NMNAT2: variants seen among roughly 807,000 people sequenced by gnomAD.
The protein encoded by NMNAT2 is nicotinamide/nicotinic acid mononucleotide adenylyltransferase 2.
Under a neutral mutation model 41.6 loss-of-function variants are expected in NMNAT2, and 11 were observed. That is an observed-to-expected ratio of 0.26 (90% confidence interval 0.17 to 0.44). NMNAT2 has a LOEUF of 0.44. NMNAT2 is among the 20% of genes least tolerant of loss of function. The pLI, the probability that NMNAT2 is intolerant of heterozygous loss-of-function variation, is 1.00. For missense variants in NMNAT2, 288 were observed against 407.7 expected, an observed-to-expected ratio of 0.71 and a Z score of 2.53; for synonymous variants, 148 against 151.2, an observed-to-expected ratio of 0.98 and a Z score of 0.16.
In NMNAT2 at chr1:183,295,497, A is replaced by C. The variant is rs556279638; in HGVS notation, c.86-1704T>G. Among the ~76,000 whole-genome samples, 25 of 152,252 alleles carry C rather than the reference A, an allele frequency of 1.6e-4. 1 individual carries two copies. In the South Asian group the frequency reaches 5.2e-3, roughly 32 times the overall value. On this transcript the variant is annotated intron_variant, in intron 1 of 10. Coordinates refer to ENST00000287713, the MANE Select transcript of NMNAT2 (RefSeq NM_015039.4). ...TAATAATTTTGCACTAGTGTGGCAC[A>C]CTTGTTATACTTGACAAATCATTAT...
At chr1:183,328,234 C>T (rs1662510425) in intron 1 of NMNAT2, among the ~76,000 whole-genome samples, 1 of 152,138 alleles carries the variant, frequency 6.6e-6, no homozygotes, top group African/African-American at 2.4e-5. Flanking sequence ...GGCTTCCTGG[C>T]TCCCTGGCTT....
rs1339017801 is a variant in NMNAT2 at position 183,251,134 on chromosome 1, T to C, written c.*1507A>G. 6.6e-6 allele frequency: 1 copy of C among 152,058 alleles called. No individual in the cohort carries two copies. Among genetic ancestry groups the C allele is most frequent in the Admixed American group, 6.5e-5 (1 of 15,270 alleles). The allele number at this position is 152,058 out of a possible 1,614,324, so 9.4% of individuals were successfully genotyped here. On this transcript the variant is annotated 3_prime_UTR_variant, in exon 11 of 11. Coordinates refer to ENST00000287713, the MANE Select transcript of NMNAT2 (RefSeq NM_015039.4). ...AGGAACAGAGAGGAAGGTAGAAAAT[T>C]AGAGAAAAAAGGAGTGAAGCAACTT...
intron 1 of NMNAT2, among the ~76,000 whole-genome samples, chr1:183,319,644 C>T (rs966274797): frequency 1.3e-5 from 2 of 151,996 alleles, no homozygotes; most frequent in Non-Finnish European, 2.9e-5. Flanking sequence ...CCTTCTTCTC[C>T]TCTGCCTCTC....
intron 1 of NMNAT2, among the ~76,000 whole-genome samples, chr1:183,344,279 G>A (rs902434767): frequency 4.6e-5 from 7 of 152,164 alleles, no homozygotes; most frequent in African/African-American, 7.2e-5. Flanking sequence ...TGAGGAAACC[G>A]AGGTTCGCAG....
chr1:183,286,712 G>C lies in NMNAT2; in HGVS notation c.398C>G (p.Thr133Ser). Reference protein sequence around the residue: ...TPVIGQPQNETPQPIYQNSNV... With the variant: ...TPVIGQPQNESPQPIYQNSNV... Reference sequence around the variant, plus strand: ...GCTGTTCTGGTAAATGGGCTGGGGGGTCTCGTTTTGTGGCTGTCCGATCAC... The same window carrying C: ...GCTGTTCTGGTAAATGGGCTGGGGGCTCTCGTTTTGTGGCTGTCCGATCAC... Residue 133 changes from threonine (T) to serine (S), a missense_variant, in exon 5 of 11, where the codon ACC becomes AGC. This residue lies in a region of NMNAT2 where 181 missense variants were observed against 213.7 expected (regional missense o/e 0.85). Coordinates refer to ENST00000287713, the MANE Select transcript of NMNAT2 (RefSeq NM_015039.4). 3.7e-6 allele frequency: 6 copies of C among 1,612,630 alleles called. No homozygotes were observed. The highest frequency in any genetic ancestry group is 5.1e-6 in the Non-Finnish European group (6 of 1,179,430).
At chr1:183,315,778 T>TAAAAAAAAAAAAAAAAA in intron 1 of NMNAT2, among the ~76,000 whole-genome samples, 1 of 125,920 alleles carries the variant, frequency 7.9e-6, no homozygotes, top group Non-Finnish European at 1.7e-5. Context: ...AGACTCCGTG[T>TAAAAAAAAAAAAAAAAA]AAAAAAAAAA....
chr1:183,299,790 T>C (rs944531980), intron 1 of NMNAT2, among the ~76,000 whole-genome samples: 1 of 152,230 alleles, frequency 6.6e-6, no homozygotes, highest in African/African-American at 2.4e-5. Context: ...GGGCTAGTTC[T>C]ATAGCTTACT....
intron 1 of NMNAT2, among the ~76,000 whole-genome samples, chr1:183,379,694 G>T (rs900368073): frequency 6.6e-6 from 1 of 152,118 alleles, no homozygotes; most frequent in Non-Finnish European, 1.5e-5. Flanking sequence ...TCCTAAATGT[G>T]TATGCACCTA....
At position 183,406,215 on chromosome 1, in the gene NMNAT2, A is replaced by T. The variant is rs142716826; in HGVS notation, c.85+11968T>A. Among the ~76,000 whole-genome samples the T allele has an allele frequency of 1.2e-3, 179 of 152,314 alleles. 1 individual carries two copies. The highest frequency in any genetic ancestry group is 3.8e-3 in the African/African-American group (158 of 41,560). On this transcript the variant is annotated intron_variant, in intron 1 of 10. Transcript: ENST00000287713. ...TTGAATAGAGGGATGTAGACAATGA[A>T]GGTATGTTTAAAGGGGATAAGGCAG...
rs189089346 is a variant in NMNAT2 at position 183,346,212 on chromosome 1, C to T, written c.86-52419G>A. On this transcript the variant is annotated intron_variant, in intron 1 of 10. Transcript: ENST00000287713. ...CCAGGGTTCTTTCTCTCAGTTCCAT[C>T]ATTCCCACTGCTACCAGACTGAGCA... is the stretch of plus-strand genomic sequence containing the variant. 3.9e-4 allele frequency among the ~76,000 whole-genome samples: 59 copies of T among 152,262 alleles called. 2 individuals are homozygous for T. In the East Asian group the frequency reaches 0.011, roughly 27 times the overall value.
At chr1:183,417,801 C>G (rs1384692816) in intron 1 of NMNAT2, among the ~76,000 whole-genome samples, 1 of 152,174 alleles carries the variant, frequency 6.6e-6, no homozygotes, top group Admixed American at 6.5e-5. Flanking sequence ...CCAGCCCCTT[C>G]CTCCCCTACT....
intron 1 of NMNAT2, among the ~76,000 whole-genome samples, chr1:183,417,612 A>G (rs1386329430): frequency 6.6e-6 from 1 of 152,112 alleles, no homozygotes; most frequent in Non-Finnish European, 1.5e-5. Flanking sequence ...CACGGCCCAC[A>G]ATTCCCAAAC....
chr1:183,288,059 A>T (rs180697911), intron 4 of NMNAT2, among the ~76,000 whole-genome samples: 42 of 152,164 alleles, frequency 2.8e-4, no homozygotes, highest in African/African-American at 1.0e-3. Flanking sequence ...GGTGGGAGGG[A>T]TGGTCTGCCT....
In NMNAT2 at chr1:183,286,706, T is replaced by TG. The variant is rs775499191; in HGVS notation, c.403dup (p.Gln135ProfsTer44). 1.2e-5 allele frequency: 20 copies of TG among 1,612,478 alleles called. No homozygotes were observed. The highest frequency in any genetic ancestry group is 1.7e-5 in the Non-Finnish European group (20 of 1,179,390). Reference sequence around the variant, plus strand: ...CACGTTGCTGTTCTGGTAAATGGGCTGGGGGGTCTCGTTTTGTGGCTGTCC... The same window carrying TG: ...CACGTTGCTGTTCTGGTAAATGGGCTGGGGGGGTCTCGTTTTGTGGCTGTCC... On this transcript the variant is annotated frameshift_variant, in exon 5 of 11. Coordinates refer to ENST00000287713, the MANE Select transcript of NMNAT2 (RefSeq NM_015039.4). LOFTEE classifies it high-confidence loss of function.
intron 1 of NMNAT2, among the ~76,000 whole-genome samples, chr1:183,379,784 A>C (rs952835197): frequency 1.3e-5 from 2 of 152,218 alleles, no homozygotes; most frequent in Admixed American, 6.5e-5. Flanking sequence ...TAGACTCTAT[A>C]GCCTTCAACT....
At chr1:183,317,355 A>G (rs1211376108) in intron 1 of NMNAT2, among the ~76,000 whole-genome samples, 3 of 152,122 alleles carry the variant, frequency 2.0e-5, no homozygotes, top group African/African-American at 7.2e-5. Flanking sequence ...GGCTCAAGTG[A>G]TCCTGCTGGG....
intron 1 of NMNAT2, among the ~76,000 whole-genome samples, chr1:183,355,671 G>A (rs886795456): frequency 2.0e-5 from 3 of 152,170 alleles, no homozygotes; most frequent in African/African-American, 7.2e-5. Context: ...TGCTAATGAG[G>A]CCAACATCAG....
chr1:183,409,717 T>A (rs1031658190), intron 1 of NMNAT2, among the ~76,000 whole-genome samples: 1 of 152,222 alleles, frequency 6.6e-6, no homozygotes, highest in African/African-American at 2.4e-5. Context: ...CAGTGCTTAC[T>A]TTTCAGACAA....
intron 10 of NMNAT2, among the ~76,000 whole-genome samples, chr1:183,256,496 T>A (rs1211115068): frequency 1.3e-5 from 2 of 152,214 alleles, no homozygotes; most frequent in East Asian, 3.8e-4. Flanking sequence ...CTGTTAAGAA[T>A]CTTTATCAAG....
Sources: allele counts gnomAD v4.1 joint callset (sites outside exome capture counted in the v4.1 genomes callset), GRCh38; gene constraint gnomAD v4.1.1; regional missense constraint gnomAD v4.1.1; transcripts MANE v1.5; gene names NCBI Gene and HGNC (gene_info 2026-07-23, HGNC 2026-07-21).